The following SLFN5 variants were observed in gnomAD, a reference collection of about 807,000 sequenced individuals.
The protein encoded by SLFN5 is schlafen family member 5.
A neutral mutation model predicts 48.5 loss-of-function variants in SLFN5; 34 were observed. The ratio of observed to expected loss-of-function variants is 0.70; its 90% CI spans 0.53 to 0.93. The LOEUF (loss-of-function observed/expected upper bound fraction) is 0.93, where lower values mean the gene tolerates loss of function less well. Ranked by LOEUF, SLFN5 falls within the 40% of genes least tolerant of loss-of-function variation. SLFN5 has a pLI of 0.00. For missense variants in SLFN5, 1,006 were observed against 1,071.3 expected (o/e 0.94, Z 0.85); for synonymous variants, 387 against 396.2 (o/e 0.98, Z 0.28).
At position 35,265,652 on chromosome 17, in the gene SLFN5, A is replaced by C. The variant is rs745548785; in HGVS notation, c.2440A>C (p.Arg814=). 1 of 1,614,264 alleles carries C rather than the reference A, an allele frequency of 6.2e-7. No individual in the cohort carries two copies. Residue 814 remains arginine, a synonymous_variant, in exon 5 of 5, where the codon AGA becomes CGA. Transcript: ENST00000299977. ...CAGGCTTCTAACAGCAATGAGGAAG[A>C]GAAAACTGTCTCAGCTCCATGAGGA... ...KDRLLTAMRK[R]KLSQLHEESD... is the part of the protein sequence containing the mutation.
rs71366427 is a variant in SLFN5 at position 35,266,142 on chromosome 17, A to AGGTG, written c.*254_*255insGGTG. The stretch of plus-strand genomic sequence containing the variant: ...AATTAGAGGACCGTGAGACTCAGAG[A>AGGTG]TGTGTGTGTGTGTGTGTGTGTGTGT... On this transcript the variant is annotated 3_prime_UTR_variant, in exon 5 of 5. Coordinates refer to ENST00000299977, the MANE Select transcript of SLFN5 (RefSeq NM_144975.4). The AGGTG allele has an allele frequency of 2.0e-4, 48 of 240,530 alleles. No individual in the cohort carries two copies. Among genetic ancestry groups the AGGTG allele is most frequent in the Admixed American group, 8.4e-4 (16 of 19,152 alleles). 14.9% of individuals were successfully genotyped at this position (240,530 alleles called of 1,614,324 possible).
intron 1 of SLFN5, among the ~76,000 whole-genome samples, chr17:35,243,588 G>T (rs2092423971): frequency 6.6e-6 from 1 of 152,218 alleles, no homozygotes; most frequent in South Asian, 2.1e-4. Context: ...TGTTCCAGAG[G>T]CTTGCCTATA....
In SLFN5 at chr17:35,259,617, G is replaced by T; in HGVS notation, c.927G>T (p.Val309=). 1 of 1,608,320 alleles carries T rather than the reference G, an allele frequency of 6.2e-7. No homozygotes were observed. Residue 309 remains valine (V), a synonymous_variant, in exon 2 of 5, where the codon GTG becomes GTT. Coordinates refer to ENST00000299977, the MANE Select transcript of SLFN5 (RefSeq NM_144975.4). ...EKFCCAVFAK[V]PSSWQVKDNR... ...TCTGCTGTGCGGTGTTTGCCAAAGTGCCTAGTTCCTGGCAGGTGAAGGACA... is the reference window on the plus strand; with the variant it reads ...TCTGCTGTGCGGTGTTTGCCAAAGTTCCTAGTTCCTGGCAGGTGAAGGACA...
At position 35,258,997 on chromosome 17, in the gene SLFN5, A is replaced by G; in HGVS notation, c.307A>G (p.Asn103Asp). 1 of 1,614,192 alleles carries G rather than the reference A, an allele frequency of 6.2e-7. No individual in the cohort carries two copies. Reference protein sequence around the residue: ...NHFLIFVKSWNTEAGVPLATL... With the variant: ...NHFLIFVKSWDTEAGVPLATL... ...CTTTTTGATTTTTGTGAAATCATGG[A>G]ACACAGAGGCTGGTGTGCCACTTGC... is the stretch of plus-strand genomic sequence containing the variant. The change falls in exon 2 of 5, where the codon AAC (asparagine) becomes GAC (aspartate). Residue 103 changes from asparagine to aspartate, a missense_variant. Coordinates refer to ENST00000299977, the MANE Select transcript of SLFN5 (RefSeq NM_144975.4).
chr17:35,257,106 C>G (rs891940414), intron 1 of SLFN5, among the ~76,000 whole-genome samples: 4 of 152,124 alleles, frequency 2.6e-5, no homozygotes, highest in African/African-American at 4.8e-5. Flanking sequence ...AACCCCCAAC[C>G]CCCATCCGTG....
chr17:35,252,446 G>A (rs547545766), intron 1 of SLFN5, among the ~76,000 whole-genome samples: 2 of 152,034 alleles, frequency 1.3e-5, no homozygotes, highest in African/African-American at 2.4e-5. Context: ...AAACCAAAAA[G>A]GACAGCTGAG....
rs746672912 is a variant in SLFN5 at position 35,264,212 on chromosome 17, GA to G, written c.1171del (p.Ser391AlafsTer16). ...TTCAGACAGAGTGGTATATACTCCA[GA>G]AAGCCTCTACAAGGAACTCTTCTCA... ...VFSDRVVYTP[E>X]SLYKELFSQH... On this transcript the variant is annotated frameshift_variant, in exon 4 of 5. Coordinates refer to ENST00000299977, the MANE Select transcript of SLFN5 (RefSeq NM_144975.4). LOFTEE classifies it high-confidence loss of function. The G allele has an allele frequency of 1.9e-6, 3 of 1,612,086 alleles. No individual in the cohort carries two copies. In the South Asian group the frequency reaches 3.3e-5, roughly 18 times the overall value.
chr17:35,251,159 C>CTA (rs2092441413), intron 1 of SLFN5, among the ~76,000 whole-genome samples: 2 of 152,172 alleles, frequency 1.3e-5, no homozygotes, highest in African/African-American at 4.8e-5. Context: ...GCCATTTTGT[C>CTA]TATTTGTGCG....
At position 35,268,370 on chromosome 17, in the gene SLFN5, G is replaced by A. The variant is rs1234621307; in HGVS notation, c.*2482G>A. The A allele has an allele frequency of 6.6e-6, 1 of 152,200 alleles. No homozygotes were observed. Among genetic ancestry groups the A allele is most frequent in the Non-Finnish European group, 1.5e-5 (1 of 68,058 alleles). 9.4% of individuals were successfully genotyped at this position (152,200 alleles called of 1,614,324 possible). On this transcript the variant is annotated 3_prime_UTR_variant, in exon 5 of 5. Transcript: ENST00000299977. The stretch of plus-strand genomic sequence containing the variant: ...AAAATGTAGAAAAGAAATATGACAT[G>A]AGCCAGATGAAGAACCCATCCTGAA...
rs9901184 is a variant in SLFN5 at position 35,244,884 on chromosome 17, A to G, written c.-41+1741A>G. On this transcript the variant is annotated intron_variant, in intron 1 of 4. Transcript: ENST00000299977. ...TTGAACCACCCCCTCCCCCCACCAT[A>G]AAAAAAGTCACAAGAATTAAACTCT... 5.2e-3 allele frequency among the ~76,000 whole-genome samples: 786 copies of G among 152,076 alleles called. 8 individuals carry two copies. The highest frequency in any genetic ancestry group is 0.017 in the African/African-American group (703 of 41,398).
Position 35,259,662 on chromosome 17 carries a change from C to T in SLFN5, c.972C>T (p.Pro324=), listed in dbSNP as rs142003188. The part of the protein sequence containing the change: ...QVKDNRVRQL[P]TREWTAWMME... Reference sequence around the variant, plus strand: ...AGGACAACCGTGTGAGACAATTGCCCACAAGAGAATGGACTGCTTGGATGA... The same window carrying T: ...AGGACAACCGTGTGAGACAATTGCCTACAAGAGAATGGACTGCTTGGATGA... Residue 324 remains proline, a synonymous_variant, in exon 2 of 5, where the codon CCC becomes CCT. Transcript: ENST00000299977. 15 of 1,601,174 alleles carry T rather than the reference C, an allele frequency of 9.4e-6. No homozygotes were observed. The East Asian group carries it at 2.9e-4, about 31-fold the overall frequency.
At position 35,258,821 on chromosome 17, in the gene SLFN5, T is replaced by C; in HGVS notation, c.131T>C (p.Leu44Pro). 1.2e-6 allele frequency: 2 copies of C among 1,614,196 alleles called. No individual in the cohort carries two copies. The highest frequency in any genetic ancestry group is 1.7e-6 in the Non-Finnish European group (2 of 1,180,020). Reference protein sequence around the residue: ...RLREKQNEIILRAVCALLNSG... With the variant: ...RLREKQNEIIPRAVCALLNSG... ...CGGGAGAAACAGAATGAAATCATCCTGCGAGCAGTATGTGCTCTGCTGAAT... is the reference window on the plus strand; with the variant it reads ...CGGGAGAAACAGAATGAAATCATCCCGCGAGCAGTATGTGCTCTGCTGAAT... Residue 44 changes from leucine (L) to proline (P), a missense_variant, in exon 2 of 5, where the codon CTG (leucine) becomes CCG (proline). Physicochemically the swap from Leu to Pro is moderately conservative, Grantham distance 98. Coordinates refer to ENST00000299977, the MANE Select transcript of SLFN5 (RefSeq NM_144975.4).
At chr17:35,263,092 A>G (rs1904568820) in intron 3 of SLFN5, among the ~76,000 whole-genome samples, 1 of 152,084 alleles carries the variant, frequency 6.6e-6, no homozygotes, top group Non-Finnish European at 1.5e-5. Flanking sequence ...TGTCAGCAAC[A>G]CAAACTGCTT....
intron 1 of SLFN5, among the ~76,000 whole-genome samples, chr17:35,251,448 C>A (rs911014948): frequency 1.3e-5 from 2 of 152,224 alleles, no homozygotes; most frequent in African/African-American, 4.8e-5. Flanking sequence ...CTCTGTCACC[C>A]AGGCTGGAGT....
At chr17:35,252,887 G>C (rs972122153) in intron 1 of SLFN5, among the ~76,000 whole-genome samples, 7 of 151,740 alleles carry the variant, frequency 4.6e-5, no homozygotes, top group Non-Finnish European at 7.4e-5. Flanking sequence ...CTTGTCTCTC[G>C]GGCTTTTTCT....
Position 35,259,191 on chromosome 17 carries a change from C to A in SLFN5, c.501C>A (p.Asn167Lys), listed in dbSNP as rs935804945. The change falls in exon 2 of 5, where the codon AAC becomes AAA. Residue 167 changes from asparagine to lysine, a missense_variant. Transcript: ENST00000299977. ...AAQGSVQYEGNINVSAAALFD... is the reference protein window; with the variant it reads ...AAQGSVQYEGKINVSAAALFD... ...AGGGTAGTGTACAATATGAAGGTAA[C>A]ATAAATGTGTCAGCTGCTGCTTTAT... is the stretch of plus-strand genomic sequence containing the variant. The A allele has an allele frequency of 6.2e-7, 1 of 1,614,102 alleles. No individual in the cohort carries two copies. The highest frequency in any genetic ancestry group is 1.7e-5 in the Admixed American group (1 of 60,024).
rs988180112 is a variant in SLFN5 at position 35,269,234 on chromosome 17, A to G, written c.*3346A>G. On this transcript the variant is annotated 3_prime_UTR_variant, in exon 5 of 5. Coordinates refer to ENST00000299977, the MANE Select transcript of SLFN5 (RefSeq NM_144975.4). ...TTGAACATAAAAGAGTTCTAGAAAT[A>G]CAGGACCCATGAATCATTCTTGAAG... 6 of 152,246 alleles carry G rather than the reference A, an allele frequency of 3.9e-5. No individual in the cohort carries two copies. Among genetic ancestry groups the G allele is most frequent in the Non-Finnish European group, 7.3e-5 (5 of 68,042 alleles). The allele number at this position is 152,246 out of a possible 1,614,324, so 9.4% of individuals were successfully genotyped here.
rs1904673475 is a variant in SLFN5, at chr17:35,265,972, ACACT to A, written c.*89_*92del. The A allele has an allele frequency of 4.4e-6, 6 of 1,369,360 alleles. No homozygotes were observed. The highest frequency in any genetic ancestry group is 1.4e-5 in the South Asian group (1 of 69,724). 84.8% of individuals were successfully genotyped at this position (1,369,360 alleles called of 1,614,324 possible). ...CCATTTAATCCAAACATGTAAGCACACACTCACTTATTAAGTCACATACTTTTCT... is the reference window on the plus strand; with the variant it reads ...CCATTTAATCCAAACATGTAAGCACACACTTATTAAGTCACATACTTTTCT... On this transcript the variant is annotated 3_prime_UTR_variant, in exon 5 of 5. Transcript: ENST00000299977.
Position 35,264,392 on chromosome 17 carries a change from C to T in SLFN5, c.1348C>T (p.Pro450Ser), listed in dbSNP as rs199978662. 4.8e-5 allele frequency: 77 copies of T among 1,614,114 alleles called. No individual in the cohort carries two copies. The highest frequency in any genetic ancestry group is 5.8e-5 in the Non-Finnish European group (69 of 1,180,020). The change falls in exon 4 of 5, where the codon CCT becomes TCT. Residue 450 changes from proline (P) to serine (S), a missense_variant. Physicochemically the swap from Pro to Ser is moderately conservative, Grantham distance 74. Transcript: ENST00000299977. Reference protein sequence around the residue: ...DALLISQNNTPILYTIFSKWD... With the variant: ...DALLISQNNTSILYTIFSKWD... ...TCTTCTAATTTCCCAGAACAACACCCCTATTCTCTACACCATCTTCAGCAA... is the reference window on the plus strand; with the variant it reads ...TCTTCTAATTTCCCAGAACAACACCTCTATTCTCTACACCATCTTCAGCAA...
Sources: allele counts gnomAD v4.1 joint callset (sites outside exome capture counted in the v4.1 genomes callset), GRCh38; gene constraint gnomAD v4.1.1; transcripts MANE v1.5; gene names NCBI Gene and HGNC (gene_info 2026-07-23, HGNC 2026-07-21).